The following PFAS variants were observed in gnomAD, a reference collection of about 807,000 sequenced individuals.
PFAS encodes FGAM synthase.
A neutral mutation model predicts 140.6 loss-of-function variants in PFAS; 97 were observed. That is an observed-to-expected ratio of 0.69 (90% CI 0.59 to 0.82). The LOEUF (loss-of-function observed/expected upper bound fraction) is 0.82. Ranked by LOEUF, PFAS falls within the 40% of genes least tolerant of loss-of-function variation. PFAS has a pLI of 0.00. For synonymous variants in PFAS, 679 were observed against 718.8 expected, an observed-to-expected ratio of 0.94 and a Z score of 0.88; for missense variants, 1,656 against 1,780.2, an observed-to-expected ratio of 0.93 and a Z score of 1.26.
At chr17:8,262,320 C>T (rs1339204280) in intron 11 of PFAS, 3 of 153,124 alleles carry the variant, frequency 2.0e-5, no homozygotes, top group Non-Finnish European at 4.4e-5. Context: ...ACAAACGTTA[C>T]TGTGGTGTTT....
intron 1 of PFAS, among the ~76,000 whole-genome samples, chr17:8,250,358 A>C (rs1377394885): frequency 6.6e-6 from 1 of 152,216 alleles, no homozygotes; most frequent in Non-Finnish European, 1.5e-5. Context: ...GCATTGGTCC[A>C]GGTGAGTGAT....
chr17:8,265,267 C>T, intron 18 of PFAS, 21 bp from the exon 19 acceptor site: 2 of 1,607,550 alleles, frequency 1.2e-6, no homozygotes, highest in Non-Finnish European at 1.7e-6. Context: ...CCCTCTAATG[C>T]TGTGCCTCTG....
chr17:8,248,280 G>T (rs532048751), upstream of PFAS, among the ~76,000 whole-genome samples: 2 of 151,296 alleles, frequency 1.3e-5, no homozygotes, highest in Admixed American at 6.6e-5. Flanking sequence ...TGGTTCTGTC[G>T]CCCAGGCTGG....
In PFAS at chr17:8,257,094, C is replaced by G. The variant is rs972403006; in HGVS notation, c.1075+131C>G. ...CTCAGGAGGAAGGGCTCTAGGATAGCTGGCCTTTCACTAACTATGGTCATA... is the reference window on the plus strand; with the variant it reads ...CTCAGGAGGAAGGGCTCTAGGATAGGTGGCCTTTCACTAACTATGGTCATA... On this transcript the variant is annotated intron_variant, in intron 9 of 27. Transcript: ENST00000314666. The G allele has an allele frequency of 1.0e-5, 10 of 998,278 alleles. No homozygotes were observed. In the African/African-American group the frequency reaches 1.6e-4, roughly 16 times the overall value. The allele number at this position is 998,278 out of a possible 1,614,324, so 61.8% of individuals were successfully genotyped here. A position where few individuals can be genotyped will look rare whatever the true frequency, so the allele number is the denominator to read the frequency against.
rs750892200 is a variant in PFAS at position 8,264,986 on chromosome 17, GC to G, written c.2143del (p.His715MetfsTer5). ...PLADVAVVALSHEELIGAATA... is the reference protein window; with the variant it reads ...PLADVAVVALXHEELIGAATA... Reference sequence around the variant, plus strand: ...GCAGATGTAGCGGTTGTGGCACTGAGCCATGAGGAGCTCATAGGGGCTGCCA... The same window carrying G: ...GCAGATGTAGCGGTTGTGGCACTGAGCATGAGGAGCTCATAGGGGCTGCCA... On this transcript the variant is annotated frameshift_variant, in exon 18 of 28. Coordinates refer to ENST00000314666, the MANE Select transcript of PFAS (RefSeq NM_012393.3). LOFTEE classifies it high-confidence loss of function. 6.2e-7 allele frequency: 1 copy of G among 1,613,464 alleles called. No homozygotes were observed. The highest frequency in any genetic ancestry group is 8.5e-7 in the Non-Finnish European group (1 of 1,179,828).
chr17:8,255,605 C>A lies in PFAS; in HGVS notation c.488C>A (p.Pro163His). The A allele has an allele frequency of 6.3e-7, 1 of 1,582,998 alleles. No individual in the cohort carries two copies. The highest frequency in any genetic ancestry group is 8.6e-7 in the Non-Finnish European group (1 of 1,166,970). ...HFPHPIQSFS[P>H]ESMPEPLNGP... ...CCCCATCCCATCCAGAGTTTCTCCCCTGAGAGCATGCCGGAACCCCTCAAT... is the reference window on the plus strand; with the variant it reads ...CCCCATCCCATCCAGAGTTTCTCCCATGAGAGCATGCCGGAACCCCTCAAT... The change falls in exon 5 of 28, where the codon CCT becomes CAT. Residue 163 changes from proline (P) to histidine (H), a missense_variant. Pro to His is a moderately conservative substitution (Grantham distance 77, BLOSUM62 -2). Coordinates refer to ENST00000314666, the MANE Select transcript of PFAS (RefSeq NM_012393.3).
In PFAS at chr17:8,264,878, C is replaced by A; in HGVS notation, c.2050-17C>A. On this transcript the variant is annotated splice_polypyrimidine_tract_variant and intron_variant, in intron 17 of 27. Transcript: ENST00000314666. Reference sequence around the variant, plus strand: ...CCCTGTCCCTTGCTCTCTTGCTAACCCCACCTGGTTCCACAGGTGGACCGC... The same window carrying A: ...CCCTGTCCCTTGCTCTCTTGCTAACACCACCTGGTTCCACAGGTGGACCGC... 6.6e-7 allele frequency: 1 copy of A among 1,513,804 alleles called. No individual in the cohort carries two copies. The highest frequency in any genetic ancestry group is 9.0e-7 in the Non-Finnish European group (1 of 1,113,896). 93.8% of individuals were successfully genotyped at this position (1,513,804 alleles called of 1,614,324 possible).
In PFAS at chr17:8,254,025, C is replaced by T. The variant is rs762041987; in HGVS notation, c.88C>T (p.Leu30=). ...GHTRRKLQGK[L]PELQGVETEL... Reference sequence around the variant, plus strand: ...CACTCGGAGGAAACTGCAAGGGAAACTGCCAGAGCTGCAGGGCGTCGAGAC... The same window carrying T: ...CACTCGGAGGAAACTGCAAGGGAAATTGCCAGAGCTGCAGGGCGTCGAGAC... The change falls in exon 2 of 28, where the codon CTG becomes TTG. Residue 30 remains leucine (L), a synonymous_variant. Coordinates refer to ENST00000314666, the MANE Select transcript of PFAS (RefSeq NM_012393.3). 1 of 1,614,206 alleles carries T rather than the reference C, an allele frequency of 6.2e-7. No individual in the cohort carries two copies. Among genetic ancestry groups the T allele is most frequent in the Non-Finnish European group, 8.5e-7 (1 of 1,180,048 alleles).
Position 8,265,623 on chromosome 17 carries a change from G to A in PFAS, c.2529G>A (p.Lys843=). The change falls in exon 20 of 28, where the codon AAG becomes AAA. Residue 843 remains lysine (K), a synonymous_variant. Transcript: ENST00000314666. ...CAGCCACTGTGACCCCAGACCTCAAGCATCCTGAAGGGAGAGGTATGGACA... is the reference window on the plus strand; with the variant it reads ...CAGCCACTGTGACCCCAGACCTCAAACATCCTGAAGGGAGAGGTATGGACA... The part of the protein sequence containing the change: ...DITATVTPDL[K]HPEGRGHLLY... The A allele has an allele frequency of 6.2e-7, 1 of 1,613,724 alleles. No homozygotes were observed. Among genetic ancestry groups the A allele is most frequent in the Non-Finnish European group, 8.5e-7 (1 of 1,179,644 alleles).
rs893279600 is a variant in PFAS, at chr17:8,253,956, T to G, written c.19T>G (p.Phe7Val). ...TGCAGAGATGTCCCCAGTCCTTCAC[T>G]TCTATGTTCGTCCCTCTGGCCATGA... is the stretch of plus-strand genomic sequence containing the variant. MSPVLH[F>V]YVRPSGHEGA... Residue 7 changes from phenylalanine to valine, a missense_variant, in exon 2 of 28, where the codon TTC (phenylalanine) becomes GTC (valine). Physicochemically the swap from Phe to Val is conservative, Grantham distance 50. Around this residue, in one of 2 missense-constraint regions of PFAS, gnomAD observed 773 missense variants for 757.3 expected, o/e 1.02. Transcript: ENST00000314666. The G allele has an allele frequency of 1.2e-6, 2 of 1,613,888 alleles. No homozygotes were observed. Among genetic ancestry groups the G allele is most frequent in the Admixed American group, 1.7e-5 (1 of 60,002 alleles).
In PFAS at chr17:8,253,201, C is replaced by G. The variant is rs1989226491; in HGVS notation, c.-79-658C>G. Reference sequence around the variant, plus strand: ...CTTCACCACACGGGACTGGAAATGTCTGGGTACTTGGCCTTTCTCCCCCAA... The same window carrying G: ...CTTCACCACACGGGACTGGAAATGTGTGGGTACTTGGCCTTTCTCCCCCAA... On this transcript the variant is annotated intron_variant, in intron 1 of 27. Transcript: ENST00000314666. 2.0e-5 allele frequency among the ~76,000 whole-genome samples: 3 copies of G among 152,166 alleles called. 1 individual carries two copies. The South Asian group carries it at 6.2e-4, about 31-fold the overall frequency.
intron 26 of PFAS, among the ~76,000 whole-genome samples, chr17:8,268,020 T>C (rs1989898562): frequency 7.6e-6 from 1 of 131,838 alleles, no homozygotes; most frequent in South Asian, 2.3e-4. Context: ...ATATATTATT[T>C]ATATATTATT....
intron 11 of PFAS, among the ~76,000 whole-genome samples, chr17:8,261,185 A>G (rs531649534): frequency 6.6e-6 from 1 of 151,210 alleles, no homozygotes; most frequent in East Asian, 1.9e-4. Flanking sequence ...TTCATTGTGG[A>G]TTTGGTTTGT....
At position 8,264,227 on chromosome 17, in the gene PFAS, G is replaced by A. The variant is rs760906699; in HGVS notation, c.1807G>A (p.Asp603Asn). The change falls in exon 16 of 28, where the codon GAT (aspartate) becomes AAT (asparagine). Residue 603 changes from aspartate (D) to asparagine (N), a missense_variant. By Grantham distance (23) the Asp-to-Asn change is conservative. Transcript: ENST00000314666. ...TGDRRIVLVDDRECPVRRNGQ... is the reference protein window; with the variant it reads ...TGDRRIVLVDNRECPVRRNGQ... ...TGGTCTATAGATAGTGCTGGTGGAC[G>A]ATCGGGAGTGTCCTGTCAGAAGAAA... 9.9e-6 allele frequency: 16 copies of A among 1,614,028 alleles called. No homozygotes were observed. The highest frequency in any genetic ancestry group is 2.2e-5 in the East Asian group (1 of 44,862).
intron 26 of PFAS, 69 bp from the exon 27 acceptor site, chr17:8,268,464 C>T: frequency 1.9e-6 from 2 of 1,054,868 alleles, no homozygotes. Context: ...AGCAGTTATG[C>T]CCCTTCATTC....
At chr17:8,264,845 C>A in intron 17 of PFAS, 50 bp from the exon 18 acceptor site, 1 of 1,334,738 alleles carries the variant, frequency 7.5e-7, no homozygotes, top group South Asian at 1.4e-5. Context: ...TGCGGGAGCT[C>A]AGGCTGTCCC....
chr17:8,252,799 T>A lies in PFAS; in HGVS notation c.-79-1060T>A, dbSNP rs185067309. Among the ~76,000 whole-genome samples, 278 of 152,242 alleles carry A rather than the reference T, an allele frequency of 1.8e-3. 1 individual carries two copies. The highest frequency in any genetic ancestry group is 3.4e-3 in the Middle Eastern group (1 of 294). On this transcript the variant is annotated intron_variant, in intron 1 of 27. Coordinates refer to ENST00000314666, the MANE Select transcript of PFAS (RefSeq NM_012393.3). The stretch of plus-strand genomic sequence containing the variant: ...CACCCAGCAAATTTTTGTATCTTTT[T>A]TGAGAGAGATGGGGTTTTTGCCATG...
rs749149521 is a variant in PFAS at position 8,266,944 on chromosome 17, G to T, written c.2967+46G>T. The T allele has an allele frequency of 1.9e-6, 3 of 1,599,034 alleles. No individual in the cohort carries two copies. Among genetic ancestry groups the T allele is most frequent in the Non-Finnish European group, 2.6e-6 (3 of 1,175,158 alleles). On this transcript the variant is annotated intron_variant, in intron 23 of 27. Coordinates refer to ENST00000314666, the MANE Select transcript of PFAS (RefSeq NM_012393.3). The surrounding 1 kb of genome is among the most constrained non-coding windows in gnomAD (Gnocchi z 5.0). ...GCGGTGTGCAGTGGGCAGTCAGAGT[G>T]GGGTGGCCGCGGTCCATCCCTCTCC... is the stretch of plus-strand genomic sequence containing the variant.
chr17:8,263,409 G>C lies in PFAS; in HGVS notation c.1567+144G>C, dbSNP rs118124884. 1.3e-4 allele frequency: 141 copies of C among 1,100,366 alleles called. 1 individual carries two copies. The highest frequency in any genetic ancestry group is 1.8e-4 in the Non-Finnish European group (136 of 737,672). 68.2% of individuals were successfully genotyped at this position (1,100,366 alleles called of 1,614,324 possible). A position where few individuals can be genotyped will look rare whatever the true frequency, so the allele number is the denominator to read the frequency against. On this transcript the variant is annotated intron_variant, in intron 13 of 27. Transcript: ENST00000314666. ...CTCTGTACATTCTAGACAGGTTCAGGGTTGGAAGGGTGGAAGCCTGCTGCC... is the reference window on the plus strand; with the variant it reads ...CTCTGTACATTCTAGACAGGTTCAGCGTTGGAAGGGTGGAAGCCTGCTGCC...
Sources: allele counts gnomAD v4.1 joint callset (sites outside exome capture counted in the v4.1 genomes callset), GRCh38; gene constraint gnomAD v4.1.1; regional missense constraint gnomAD v4.1.1; non-coding constraint Gnocchi (gnomAD v3.1); transcripts MANE v1.5; gene names NCBI Gene and HGNC (gene_info 2026-07-23, HGNC 2026-07-21).